Variants in STARD13 observed in about 807,000 individuals in gnomAD.
STARD13 encodes StAR related lipid transfer domain containing 13, also known as stAR-related lipid transfer protein 13.
In STARD13, 62 loss-of-function variants were observed where a neutral mutation model predicts 106.4. The ratio of observed to expected loss-of-function variants is 0.58; its 90% CI spans 0.48 to 0.72. STARD13 has a LOEUF of 0.72. STARD13 is among the 30% of genes least tolerant of loss of function. The pLI is 0.00. For synonymous variants in STARD13, 565 were observed against 553.0 expected (o/e 1.02, Z -0.31); for missense variants, 1,387 against 1,424.0 (o/e 0.97, Z 0.42).
At chr13:33,664,219 G>T in the STARD13 span, among the ~76,000 whole-genome samples, 1 of 152,244 alleles carries the variant, frequency 6.6e-6, no homozygotes, top group African/African-American at 2.4e-5. Context: ...AACCTGCTCG[G>T]GGAGGCTCTT....
At chr13:33,631,400 T>A in the STARD13 span, among the ~76,000 whole-genome samples, 1 of 152,232 alleles carries the variant, frequency 6.6e-6, no homozygotes, top group East Asian at 1.9e-4. Flanking sequence ...TTTAAGAGTA[T>A]GATTTCCATT....
the STARD13 span, among the ~76,000 whole-genome samples, chr13:33,385,530 G>C: frequency 1.3e-5 from 2 of 149,576 alleles, no homozygotes. Context: ...AGAGATAAAG[G>C]GGAATGAGAA....
chr13:33,644,645 T>C, the STARD13 span, among the ~76,000 whole-genome samples: 3 of 152,098 alleles, frequency 2.0e-5, no homozygotes, highest in African/African-American at 7.2e-5. Flanking sequence ...AGCTGACAGA[T>C]TTCTACTTCC....
downstream of STARD13, among the ~76,000 whole-genome samples, chr13:33,344,791 T>C (rs1002714794): frequency 3.3e-5 from 5 of 152,362 alleles, no homozygotes; most frequent in Admixed American, 3.3e-4. Context: ...TAGACATCAA[T>C]TAGCTCACAG....
chr13:33,204,218 G>A (rs890343414), intron 1 of STARD13, among the ~76,000 whole-genome samples: 19 of 152,208 alleles, frequency 1.2e-4, no homozygotes, highest in Non-Finnish European at 5.9e-5. Context: ...GCACATGTGA[G>A]TTTAGCTCAT....
At chr13:33,336,575 G>A (rs946413665) in intron 1 of STARD13, 7 of 152,082 alleles carry the variant, frequency 4.6e-5, no homozygotes, top group African/African-American at 1.7e-4. Context: ...GCAACATGGC[G>A]AGACTCTGTC....
At chr13:33,329,297 A>G (rs187881771) in intron 1 of STARD13, among the ~76,000 whole-genome samples, 229 of 152,308 alleles carry the variant, frequency 1.5e-3, no homozygotes, top group African/African-American at 5.2e-3. Context: ...GACATATAAA[A>G]AATTGTATAT....
intron 1 of STARD13, among the ~76,000 whole-genome samples, chr13:33,220,204 T>C (rs781704052): frequency 2.6e-5 from 4 of 152,158 alleles, no homozygotes; most frequent in Non-Finnish European, 2.9e-5. Context: ...AACTAGCTGA[T>C]ATAGCAAACT....
the STARD13 span, among the ~76,000 whole-genome samples, chr13:33,660,825 C>A: frequency 6.6e-6 from 1 of 152,138 alleles, no homozygotes; most frequent in African/African-American, 2.4e-5. Context: ...CTCGAATGAT[C>A]CTCCTGCCTT....
At chr13:33,430,492 GTACAC>G in the STARD13 span, among the ~76,000 whole-genome samples, 4 of 152,162 alleles carry the variant, frequency 2.6e-5, no homozygotes, top group Non-Finnish European at 5.9e-5. Flanking sequence ...ATGTAATTTA[GTACAC>G]TATGGAGAAC....
the STARD13 span, among the ~76,000 whole-genome samples, chr13:33,562,167 G>A: frequency 6.9e-6 from 1 of 145,888 alleles, no homozygotes; most frequent in Admixed American, 7.0e-5. Flanking sequence ...TTGAAGATAT[G>A]GGATCAAAAT....
chr13:33,170,345 G>T (rs1402357969), intron 1 of STARD13, among the ~76,000 whole-genome samples: 1 of 152,028 alleles, frequency 6.6e-6, no homozygotes, highest in Non-Finnish European at 1.5e-5. Flanking sequence ...ACTCCTTTTG[G>T]AACTTAAAAT....
chr13:33,346,457 T>C (rs1202483533), downstream of STARD13, among the ~76,000 whole-genome samples: 2 of 152,212 alleles, frequency 1.3e-5, no homozygotes, highest in African/African-American at 4.8e-5. Context: ...ATAGCTCTAC[T>C]TCTTTTTGTC....
At chr13:33,134,047 C>T (rs577725248) in intron 4 of STARD13, among the ~76,000 whole-genome samples, 131 of 152,254 alleles carry the variant, frequency 8.6e-4, no homozygotes, top group Middle Eastern at 6.8e-3. Flanking sequence ...AAGGATACAT[C>T]AAACTAACTT....
At chr13:33,125,598 G>C (rs1877032441) in intron 7 of STARD13, among the ~76,000 whole-genome samples, 1 of 151,842 alleles carries the variant, frequency 6.6e-6, no homozygotes, top group Non-Finnish European at 1.5e-5. Flanking sequence ...ATTTTTAAAA[G>C]ATGTAAATAA....
chr13:33,572,304 G>T, the STARD13 span, among the ~76,000 whole-genome samples: 1 of 152,144 alleles, frequency 6.6e-6, no homozygotes, highest in Admixed American at 6.6e-5. Flanking sequence ...CTACACTTGT[G>T]CCAGTCACTG....
intron 1 of STARD13, among the ~76,000 whole-genome samples, chr13:33,270,595 G>A (rs562969065): frequency 2.1e-4 from 32 of 152,182 alleles, no homozygotes; most frequent in African/African-American, 6.7e-4. Flanking sequence ...CAAAAATATC[G>A]ATGACTACCA....
the STARD13 span, among the ~76,000 whole-genome samples, chr13:33,629,732 G>T: frequency 1.3e-5 from 2 of 152,170 alleles, no homozygotes; most frequent in Non-Finnish European, 2.9e-5. Context: ...AAACAGAAAA[G>T]AAATACTGCT....
the STARD13 span, among the ~76,000 whole-genome samples, chr13:33,399,561 C>T: frequency 1.7e-3 from 256 of 151,580 alleles, 2 homozygotes; most frequent in African/African-American, 5.4e-3. Context: ...ATTAGCTGGG[C>T]GTGGTGGCTG....
Sources: allele counts gnomAD v4.1 joint callset (sites outside exome capture counted in the v4.1 genomes callset), GRCh38; gene constraint gnomAD v4.1.1; transcripts MANE v1.5; gene names NCBI Gene and HGNC (gene_info 2026-07-23, HGNC 2026-07-21).